The following CEP128 variants were observed in gnomAD, a reference collection of about 807,000 sequenced individuals.
CEP128 encodes the protein centrosomal protein 128, also known as centrosomal protein 128kDa.
CEP128 carries 132 observed loss-of-function variants against 156.7 expected under a neutral mutation model. The ratio of observed to expected loss-of-function variants is 0.84; its 90% confidence interval spans 0.73 to 0.97. The LOEUF (loss-of-function observed/expected upper bound fraction) is 0.97, where lower values mean the gene tolerates loss of function less well. Among genes scored for constraint, CEP128 ranks in the 50% least tolerant of loss-of-function variants. The pLI is 0.00. For synonymous variants in CEP128, 469 were observed against 448.9 expected (o/e 1.04, Z -0.57); for missense variants, 1,252 against 1,281.9 (o/e 0.98, Z 0.36).
At position 80,877,230 on chromosome 14, in the gene CEP128, GA is replaced by G. The variant is rs956986823; in HGVS notation, c.646-14358del. On this transcript the variant is annotated intron_variant, in intron 8 of 24. Transcript: ENST00000555265. ...CAGAAAAATGAAAACTAATAAAAAC[GA>G]AAAAAAACACACACAAAAAATGGAA... 4.0e-5 allele frequency among the ~76,000 whole-genome samples: 6 copies of G among 150,738 alleles called. No homozygotes were observed. In the East Asian group the frequency reaches 7.8e-4, roughly 20 times the overall value.
intron 19 of CEP128, among the ~76,000 whole-genome samples, chr14:80,708,489 T>A (rs965002650): frequency 6.6e-6 from 1 of 152,134 alleles, no homozygotes; most frequent in Non-Finnish European, 1.5e-5. Flanking sequence ...TTTCGATTAT[T>A]TTCCATTTTT....
intron 16 of CEP128, among the ~76,000 whole-genome samples, 155 bp from the exon 17 acceptor site, chr14:80,761,768 C>G (rs1333565344): frequency 1.3e-5 from 2 of 152,106 alleles, no homozygotes; most frequent in African/African-American, 4.8e-5. Context: ...CTTTAATCTA[C>G]TCATTAACTG....
chr14:80,736,865 C>A (rs1420973357), intron 19 of CEP128, among the ~76,000 whole-genome samples: 1 of 152,158 alleles, frequency 6.6e-6, no homozygotes, highest in East Asian at 1.9e-4. Context: ...TGTATAGCAT[C>A]CCTAGGCATA....
At chr14:80,925,916 G>A (rs905193299) in intron 2 of CEP128, among the ~76,000 whole-genome samples, 1 of 152,134 alleles carries the variant, frequency 6.6e-6, no homozygotes, top group Non-Finnish European at 1.5e-5. Flanking sequence ...TAGCGCTGGT[G>A]CTACTTAGTG....
At chr14:80,890,745 T>C (rs1023262206) in intron 8 of CEP128, among the ~76,000 whole-genome samples, 2 of 152,326 alleles carry the variant, frequency 1.3e-5, no homozygotes, top group African/African-American at 4.8e-5. Flanking sequence ...TATACCTATG[T>C]AACAAACCTG....
intron 19 of CEP128, among the ~76,000 whole-genome samples, chr14:80,622,028 T>C (rs952600044): frequency 6.6e-6 from 1 of 152,090 alleles, no homozygotes; most frequent in African/African-American, 2.4e-5. Context: ...AGCAGCAGCA[T>C]AAGGGCAGGA....
At chr14:80,678,489 G>C (rs1051059351) in intron 19 of CEP128, among the ~76,000 whole-genome samples, 1 of 152,114 alleles carries the variant, frequency 6.6e-6, no homozygotes, top group Admixed American at 6.6e-5. Context: ...AAACAGCAAC[G>C]TAGTGCATAA....
chr14:80,483,218 T>C (rs753532965), intron 14 of CEP128, among the ~76,000 whole-genome samples: 2 of 152,178 alleles, frequency 1.3e-5, no homozygotes, highest in African/African-American at 2.4e-5. Flanking sequence ...TGTTCCACAT[T>C]AACCATCCAG....
At chr14:80,732,197 A>G (rs1898304220) in intron 19 of CEP128, among the ~76,000 whole-genome samples, 1 of 152,226 alleles carries the variant, frequency 6.6e-6, no homozygotes, top group Non-Finnish European at 1.5e-5. Flanking sequence ...GCAGATAACC[A>G]GAGGAAACAG....
At chr14:80,486,043 G>C (rs1352458206), downstream of CEP128, among the ~76,000 whole-genome samples, 1 of 152,176 alleles carries the variant, frequency 6.6e-6, no homozygotes, top group Non-Finnish European at 1.5e-5. Context: ...GTACATTTTA[G>C]TACTTTAACT....
At chr14:80,713,037 G>C (rs1897470552) in intron 19 of CEP128, among the ~76,000 whole-genome samples, 3 of 152,090 alleles carry the variant, frequency 2.0e-5, no homozygotes, top group Admixed American at 2.0e-4. Context: ...AGACAATCAA[G>C]ATAGACACAA....
In CEP128 at chr14:80,955,774, C is replaced by T. The variant is rs769881177; in HGVS notation, c.-172+2404G>A. On this transcript the variant is annotated intron_variant, in intron 2 of 7. Coordinates refer to the CEP128 transcript ENST00000555529. Reference sequence around the variant, plus strand: ...GTGTTCGTCTCCACCCTGCGAGTGCCATCAGGAGGAGGACTTCAGAGTCAC... The same window carrying T: ...GTGTTCGTCTCCACCCTGCGAGTGCTATCAGGAGGAGGACTTCAGAGTCAC... 4.3e-6 allele frequency: 7 copies of T among 1,614,076 alleles called. No individual in the cohort carries two copies. In the East Asian group the frequency reaches 1.3e-4, roughly 31 times the overall value.
intron 19 of CEP128, among the ~76,000 whole-genome samples, chr14:80,733,457 G>C (rs1422979467): frequency 6.6e-6 from 1 of 151,830 alleles, no homozygotes; most frequent in Non-Finnish European, 1.5e-5. Flanking sequence ...ACTAATACAG[G>C]TGGTCTAAAC....
chr14:80,792,975 G>A lies in CEP128; in HGVS notation c.1345C>T (p.Arg449Cys), dbSNP rs752450477. ...HADLQISELT[R>C]HAEDATKQAE... The stretch of plus-strand genomic sequence containing the variant: ...TGCTTGGTTGCATCCTCCGCATGGC[G>A]AGTCAGCTCTGAGATCTGAAGGTCA... Residue 449 changes from arginine (R) to cysteine (C), a missense_variant, in exon 14 of 25, where the codon CGC becomes TGC. Arg to Cys is a radical substitution (Grantham distance 180). Coordinates refer to ENST00000555265, the MANE Select transcript of CEP128 (RefSeq NM_152446.5). 9 of 1,614,152 alleles carry A rather than the reference G, an allele frequency of 5.6e-6. No homozygotes were observed. The highest frequency in any genetic ancestry group is 4.5e-5 in the East Asian group (2 of 44,874).
In CEP128 at chr14:80,955,954, G is replaced by T; in HGVS notation, c.-172+2224C>A. The T allele has an allele frequency of 2.9e-6, 4 of 1,378,294 alleles. No homozygotes were observed. In the South Asian group the frequency reaches 4.7e-5, roughly 16 times the overall value. 85.4% of individuals were successfully genotyped at this position (1,378,294 alleles called of 1,614,324 possible). On this transcript the variant is annotated intron_variant, in intron 2 of 7. Transcript: ENST00000555529. Reference sequence around the variant, plus strand: ...GCTCAATAACAGCCCGAAGTAGTGTGTGAGTGTGTGTATGTGTGAGTGAAT... The same window carrying T: ...GCTCAATAACAGCCCGAAGTAGTGTTTGAGTGTGTGTATGTGTGAGTGAAT...
intron 19 of CEP128, among the ~76,000 whole-genome samples, chr14:80,620,557 A>G (rs1447065968): frequency 6.6e-6 from 1 of 152,244 alleles, no homozygotes; most frequent in African/African-American, 2.4e-5. Context: ...CAGCAACAAG[A>G]GACTCTAAGA....
At chr14:80,830,296 A>T (rs1885721357) in intron 13 of CEP128, 2 of 574,200 alleles carry the variant, frequency 3.5e-6, no homozygotes, top group Admixed American at 6.2e-5. Context: ...GACAAGATGA[A>T]AGAGAAACAC....
Position 80,526,986 on chromosome 14 carries a change from G to GAAA in CEP128, c.2959-7_2959-5dup, listed in dbSNP as rs34838656. Reference sequence around the variant, plus strand: ...TCTCAGATGAACTGCAGGAATCCTGGAAAAAAAAAAAAGCAAAGGGTCTGA... The same window carrying GAAA: ...TCTCAGATGAACTGCAGGAATCCTGGAAAAAAAAAAAAAAAGCAAAGGGTCTGA... On this transcript the variant is annotated splice_region_variant and splice_polypyrimidine_tract_variant and intron_variant, in intron 22 of 24. Transcript: ENST00000555265. 473 of 1,010,490 alleles carry GAAA rather than the reference G, an allele frequency of 4.7e-4. No individual in the cohort carries two copies. The highest frequency in any genetic ancestry group is 7.2e-4 in the Middle Eastern group (3 of 4,172). The allele number at this position is 1,010,490 out of a possible 1,614,324, so 62.6% of individuals were successfully genotyped here. A position where few individuals can be genotyped will look rare whatever the true frequency, so the allele number is the denominator to read the frequency against.
chr14:80,706,649 C>A (rs1179335277), intron 19 of CEP128, among the ~76,000 whole-genome samples: 1 of 152,084 alleles, frequency 6.6e-6, no homozygotes, highest in Non-Finnish European at 1.5e-5. Flanking sequence ...GCTTGGGGTT[C>A]ACTCAGCTTC....
Sources: allele counts gnomAD v4.1 joint callset (sites outside exome capture counted in the v4.1 genomes callset), GRCh38; gene constraint gnomAD v4.1.1; transcripts MANE v1.5; gene names NCBI Gene and HGNC (gene_info 2026-07-23, HGNC 2026-07-21).